The following DDRGK1 variants were observed in gnomAD, a reference collection of about 807,000 sequenced individuals.
DDRGK1 encodes DDRGK domain containing 1.
Under a neutral mutation model 45.8 loss-of-function variants are expected in DDRGK1, and 38 were observed. The ratio of observed to expected loss-of-function variants is 0.83; its 90% CI spans 0.64 to 1.09. The LOEUF (loss-of-function observed/expected upper bound fraction) is 1.09, where lower values mean the gene tolerates loss of function less well. DDRGK1 is among the 50% of genes least tolerant of loss of function. The pLI, the probability that DDRGK1 is intolerant of heterozygous loss-of-function variation, is 0.00. For missense variants in DDRGK1, 403 were observed against 419.9 expected (o/e 0.96, Z 0.35); for synonymous variants, 171 against 168.7 (o/e 1.01, Z -0.11).
At chr20:3,196,666 G>A (rs1365031264) in intron 4 of DDRGK1, among the ~76,000 whole-genome samples, 1 of 152,140 alleles carries the variant, frequency 6.6e-6, no homozygotes, top group Non-Finnish European at 1.5e-5. Context: ...GGGGGACAGA[G>A]CGAGACTCCA....
intron 8 of DDRGK1, 116 bp from the exon 9 acceptor site, chr20:3,190,935 C>G: frequency 1.4e-6 from 2 of 1,422,410 alleles, no homozygotes; most frequent in Non-Finnish European, 1.9e-6. Context: ...TCCTGCCTGC[C>G]TGGACTTTCC....
chr20:3,199,881 C>T, intron 4 of DDRGK1, 120 bp downstream of exon 4: 2 of 883,462 alleles, frequency 2.3e-6, no homozygotes, highest in African/African-American at 1.7e-5. Flanking sequence ...TAAACCAGGA[C>T]CTGCCCTTGT....
intron 6 of DDRGK1, 150 bp from the exon 7 acceptor site, chr20:3,191,971 TGA>T: frequency 1.8e-5 from 10 of 555,038 alleles, no homozygotes; most frequent in East Asian, 5.9e-5. Flanking sequence ...CTTGCTCCCC[TGA>T]CACACACACA....
Position 3,195,303 on chromosome 20 carries a change from C to T in DDRGK1, c.561G>A (p.Glu187=), listed in dbSNP as rs1317266088. ...AREEQAQREH[E]EYLKLKEAFV... ...AGGCCTCCTTCAGTTTCAGGTACTC[C>T]TCATGCTCCCGCTGGGCCTGCTCCT... is the stretch of plus-strand genomic sequence containing the variant. Residue 187 remains glutamate, a synonymous_variant, in exon 5 of 9, where the codon GAG becomes GAA. Coordinates refer to ENST00000354488, the MANE Select transcript of DDRGK1 (RefSeq NM_023935.3). The T allele has an allele frequency of 1.2e-6, 2 of 1,613,248 alleles. No individual in the cohort carries two copies. The highest frequency in any genetic ancestry group is 8.5e-7 in the Non-Finnish European group (1 of 1,179,530).
Position 3,190,554 on chromosome 20 carries a change from C to T in DDRGK1, c.*99G>A. 6.8e-7 allele frequency: 1 copy of T among 1,467,768 alleles called. No individual in the cohort carries two copies. The highest frequency in any genetic ancestry group is 9.3e-7 in the Non-Finnish European group (1 of 1,074,840). The allele number at this position is 1,467,768 out of a possible 1,614,324, so 90.9% of individuals were successfully genotyped here. On this transcript the variant is annotated 3_prime_UTR_variant, in exon 9 of 9. Coordinates refer to ENST00000354488, the MANE Select transcript of DDRGK1 (RefSeq NM_023935.3). ...CTCACAGGCCTTTAATCTATAACTG[C>T]CTGGCCACACCATCACTTCCCCAGG...
At chr20:3,200,238 AAAC>A (rs1268631178) in intron 3 of DDRGK1, 101 bp downstream of exon 3, 2 of 1,455,408 alleles carry the variant, frequency 1.4e-6, no homozygotes, top group African/African-American at 2.8e-5. Context: ...GGGAAGCAGC[AAAC>A]ACCAGCCCAG....
At chr20:3,199,970 G>A (rs6515777) in intron 4 of DDRGK1, 31 bp downstream of exon 4, 169,039 of 1,573,864 alleles carry the variant, frequency 0.11, 9,944 homozygotes, top group African/African-American at 0.14. Context: ...CCTGGTCAAG[G>A]GTCAGAGGTC....
Position 3,191,236 on chromosome 20 carries a change from G to C in DDRGK1, c.732C>G (p.Asp244Glu). The C allele has an allele frequency of 6.2e-7, 1 of 1,614,140 alleles. No homozygotes were observed. The highest frequency in any genetic ancestry group is 8.5e-7 in the Non-Finnish European group (1 of 1,180,010). ...GCAGGTCCTGGATGCGATTTATGGT[G>C]TCCTATGAGGAGAACAACTCTCAGA... ...LASQVGLRTQ[D>E]TINRIQDLLA... is the part of the protein sequence containing the mutation. Residue 244 changes from aspartate to glutamate, a missense_variant and splice_region_variant, in exon 8 of 9, where the codon GAC (aspartate) becomes GAG (glutamate). Physicochemically the swap from Asp to Glu is conservative, Grantham distance 45. Transcript: ENST00000354488.
chr20:3,198,622 C>G (rs905765531), intron 4 of DDRGK1, among the ~76,000 whole-genome samples: 1 of 147,198 alleles, frequency 6.8e-6, no homozygotes, highest in African/African-American at 2.5e-5. Context: ...ATTGCTTGAA[C>G]CCAGGAGGTG....
chr20:3,203,648 C>A (rs1341838065), intron 1 of DDRGK1, among the ~76,000 whole-genome samples: 2 of 152,252 alleles, frequency 1.3e-5, no homozygotes, highest in African/African-American at 4.8e-5. Context: ...TCTCCCCTCC[C>A]GGCTCCACCT....
At chr20:3,192,697 G>A (rs2066994539) in intron 6 of DDRGK1, among the ~76,000 whole-genome samples, 1 of 152,180 alleles carries the variant, frequency 6.6e-6, no homozygotes, top group East Asian at 1.9e-4. Context: ...CCACCGCTGT[G>A]TCCACACAGG....
rs147367267 is a variant in DDRGK1, at chr20:3,200,249, C to T, written c.408+93G>A. ...GCCAGGGAAGCAGCAAACACCAGCC[C>T]AGCAGGCAACAAGCCCTCAGTCTGC... On this transcript the variant is annotated intron_variant, in intron 3 of 8. Transcript: ENST00000354488. 1,770 of 1,461,966 alleles carry T rather than the reference C, an allele frequency of 1.2e-3. 26 individuals are homozygous for T. In the African/African-American group the frequency reaches 0.022, roughly 18 times the overall value. The allele number at this position is 1,461,966 out of a possible 1,614,324, so 90.6% of individuals were successfully genotyped here.
chr20:3,191,111 C>T (rs1343776052), intron 8 of DDRGK1, 79 bp downstream of exon 8: 1 of 1,582,424 alleles, frequency 6.3e-7, no homozygotes, highest in East Asian at 2.2e-5. Context: ...CATCCTGCCT[C>T]TGCAGCACAT....
intron 2 of DDRGK1, among the ~76,000 whole-genome samples, chr20:3,201,897 C>T (rs1283095559): frequency 5.3e-5 from 8 of 152,126 alleles, no homozygotes; most frequent in African/African-American, 1.7e-4. Context: ...CTCCTGACCT[C>T]GTGATCCACC....
intron 1 of DDRGK1, among the ~76,000 whole-genome samples, chr20:3,203,817 G>C (rs958207081): frequency 6.6e-6 from 1 of 152,170 alleles, no homozygotes; most frequent in African/African-American, 2.4e-5. Flanking sequence ...AGCCTCCCCC[G>C]GGAAGACCTG....
chr20:3,199,775 C>T (rs1294268299), intron 4 of DDRGK1, among the ~76,000 whole-genome samples: 2 of 152,200 alleles, frequency 1.3e-5, no homozygotes, highest in Non-Finnish European at 2.9e-5. Flanking sequence ...CACATGCTCC[C>T]CGAAAGTTCA....
At chr20:3,191,547 G>A in intron 7 of DDRGK1, 1 of 741,014 alleles carries the variant, frequency 1.3e-6, no homozygotes, top group Non-Finnish European at 2.4e-6. Flanking sequence ...ACAGGGGCTG[G>A]CAGAGTGATG....
Position 3,200,226 on chromosome 20 carries a change from C to T in DDRGK1, c.408+116G>A. ...AGACCCAGGCGGCAGGAGACAGAGC[C>T]AGGGAAGCAGCAAACACCAGCCCAG... On this transcript the variant is annotated intron_variant, in intron 3 of 8. Coordinates refer to ENST00000354488, the MANE Select transcript of DDRGK1 (RefSeq NM_023935.3). 2.1e-6 allele frequency: 3 copies of T among 1,454,034 alleles called. No individual in the cohort carries two copies. In the African/African-American group the frequency reaches 4.2e-5, roughly 20 times the overall value. 90.1% of individuals were successfully genotyped at this position (1,454,034 alleles called of 1,614,324 possible).
At chr20:3,203,512 GCGGC>G in intron 1 of DDRGK1, 96 bp from the exon 2 acceptor site, 1 of 1,406,358 alleles carries the variant, frequency 7.1e-7, no homozygotes. Context: ...CCTCTGCTTA[GCGGC>G]CTGCTGCCCA....
Sources: gnomAD v4.1 joint callset for allele counts (sites outside exome capture counted in the v4.1 genomes callset) on GRCh38, gnomAD v4.1.1 for gene constraint, MANE v1.5 for transcripts, NCBI Gene and HGNC (gene_info 2026-07-23, HGNC 2026-07-21) for gene names.